The following PA2G4 variants were observed in gnomAD, a reference collection of about 807,000 sequenced individuals.
PA2G4 encodes the protein proliferation-associated protein 2G4.
A neutral mutation model predicts 53.3 loss-of-function variants in PA2G4; 8 were observed. The ratio of observed to expected loss-of-function variants is 0.15; its 90% CI spans 0.09 to 0.27. The LOEUF (loss-of-function observed/expected upper bound fraction) is 0.27. Among genes scored for constraint, PA2G4 ranks in the 10% least tolerant of loss-of-function variants. The probability of loss-of-function intolerance (pLI) is 1.00; values close to 1 mark genes in which losing one functional copy is unlikely to be tolerated. For missense variants in PA2G4, 208 were observed against 486.8 expected, an observed-to-expected ratio of 0.43 and a Z score of 5.39; for synonymous variants, 143 against 169.8, an observed-to-expected ratio of 0.84 and a Z score of 1.23.
At chr12:56,108,516 A>G (rs1869347332) in intron 5 of PA2G4, among the ~76,000 whole-genome samples, 1 of 152,300 alleles carries the variant, frequency 6.6e-6, no homozygotes, top group African/African-American at 2.4e-5. Context: ...TCCATATAGT[A>G]TTTAGTAAAT....
rs144599997 is a variant in PA2G4, at chr12:56,109,749, C to T, written c.551-108C>T. 5.5e-4 allele frequency: 412 copies of T among 754,284 alleles called. 4 individuals carry two copies. In the African/African-American group the frequency reaches 6.2e-3, roughly 11 times the overall value. The allele number at this position is 754,284 out of a possible 1,614,324, so 46.7% of individuals were successfully genotyped here. ...ATCTCAGAGCCCTGTGTTTCCATAA[C>T]CAGGTAGTTGTCTCACTGCCTACCA... On this transcript the variant is annotated intron_variant, in intron 6 of 12. Transcript: ENST00000303305.
At chr12:56,112,012 G>T (rs1197832098) in intron 12 of PA2G4, among the ~76,000 whole-genome samples, 10 of 152,090 alleles carry the variant, frequency 6.6e-5, no homozygotes. Flanking sequence ...TACTCGGGAG[G>T]CTAAGGCAGG....
At chr12:56,111,343 A>G (rs767136600) in intron 11 of PA2G4, 34 bp downstream of exon 11, 43 of 1,613,634 alleles carry the variant, frequency 2.7e-5, no homozygotes, top group Non-Finnish European at 3.4e-5. Flanking sequence ...GAGTATGTAC[A>G]TGGTATCCTG....
intron 12 of PA2G4, among the ~76,000 whole-genome samples, chr12:56,111,925 C>T (rs11504023): frequency 0.021 from 3,222 of 151,538 alleles, 63 homozygotes; most frequent in South Asian, 0.045. Context: ...TCAGCCTGAC[C>T]AACACAGAGA....
rs1869479142 is a variant in PA2G4, at chr12:56,113,652, C to A, written c.*764C>A. ...GCTGGAAGCTCAACTGGTTTTGTTC[C>A]CTGTTTGAAATATTGTGATCTCCCT... On this transcript the variant is annotated 3_prime_UTR_variant, in exon 13 of 13. Coordinates refer to ENST00000303305, the MANE Select transcript of PA2G4 (RefSeq NM_006191.3). 1 of 590,124 alleles carries A rather than the reference C, an allele frequency of 1.7e-6. No homozygotes were observed. Among genetic ancestry groups the A allele is most frequent in the African/African-American group, 1.9e-5 (1 of 53,796 alleles). The allele number at this position is 590,124 out of a possible 1,614,324, so 36.6% of individuals were successfully genotyped here.
chr12:56,104,975 G>A, intron 1 of PA2G4, 150 bp downstream of exon 1: 1 of 786,564 alleles, frequency 1.3e-6, no homozygotes, highest in Non-Finnish European at 2.2e-6. Context: ...GGAAGACCCG[G>A]TGTCGCGCCT....
At chr12:56,110,939 C>T in intron 9 of PA2G4, 25 bp from the exon 10 acceptor site, 1 of 1,601,556 alleles carries the variant, frequency 6.2e-7, no homozygotes. Context: ...TTAAAGATAC[C>T]TCTGAATATC....
chr12:56,109,414 GT>G (rs2136841009), intron 6 of PA2G4, 121 bp downstream of exon 6: 4 of 663,668 alleles, frequency 6.0e-6, no homozygotes, highest in Admixed American at 2.1e-5. Context: ...GAGGTCAGGA[GT>G]TTGAGACTAG....
Position 56,111,470 on chromosome 12 carries a change from T to C in PA2G4, c.1066-6T>C, listed in dbSNP as rs370832705. 4 of 1,613,540 alleles carry C rather than the reference T, an allele frequency of 2.5e-6. No individual in the cohort carries two copies. In the African/African-American group the frequency reaches 5.3e-5, roughly 22 times the overall value. ...AAAATTTTTTTCCCTTCTTCCTGTT[T>C]TCCAGGCCCTCCTCCAGAGTTCTGC... On this transcript the variant is annotated splice_region_variant and splice_polypyrimidine_tract_variant and intron_variant, in intron 11 of 12. Transcript: ENST00000303305.
intron 1 of PA2G4, 76 bp downstream of exon 1, chr12:56,104,901 CGGAGG>C: frequency 7.7e-7 from 1 of 1,303,840 alleles, no homozygotes; most frequent in South Asian, 1.2e-5. Context: ...GGGGCTGGAG[CGGAGG>C]GGTCATGCGG....
intron 7 of PA2G4, 33 bp from the exon 8 acceptor site, chr12:56,110,366 A>G (rs757989447): frequency 7.0e-7 from 1 of 1,427,280 alleles, no homozygotes; most frequent in South Asian, 1.2e-5. Context: ...TGTCAAAAAA[A>G]AAAAAAAATT....
chr12:56,111,355 T>C, intron 11 of PA2G4, 46 bp downstream of exon 11: 1 of 1,612,664 alleles, frequency 6.2e-7, no homozygotes, highest in East Asian at 2.2e-5. Flanking sequence ...GGTATCCTGC[T>C]TGGGAGTGAG....
In PA2G4 at chr12:56,113,643, G is replaced by A. The variant is rs1282764004; in HGVS notation, c.*755G>A. 1.4e-5 allele frequency: 8 copies of A among 589,874 alleles called. No individual in the cohort carries two copies. In the Admixed American group the frequency reaches 2.6e-4, roughly 19 times the overall value. The allele number at this position is 589,874 out of a possible 1,614,324, so 36.5% of individuals were successfully genotyped here. On this transcript the variant is annotated 3_prime_UTR_variant, in exon 13 of 13. Transcript: ENST00000303305. ...CAGACCTGAGCTGGAAGCTCAACTG[G>A]TTTTGTTCCCTGTTTGAAATATTGT...
In PA2G4 at chr12:56,104,615, C is replaced by G; in HGVS notation, c.-123C>G. 1 of 974,332 alleles carries G rather than the reference C, an allele frequency of 1.0e-6. No homozygotes were observed. Among genetic ancestry groups the G allele is most frequent in the Non-Finnish European group, 1.7e-6 (1 of 596,292 alleles). The allele number at this position is 974,332 out of a possible 1,614,324, so 60.4% of individuals were successfully genotyped here. A position where few individuals can be genotyped will look rare whatever the true frequency, so the allele number is the denominator to read the frequency against. On this transcript the variant is annotated 5_prime_UTR_variant, in exon 1 of 13. Coordinates refer to ENST00000303305, the MANE Select transcript of PA2G4 (RefSeq NM_006191.3). ...CTGCCTGCCCGCTCCCTTGCTTGCT[C>G]GCGCTTTCGCTCGCCCTCTCCTCGA...
chr12:56,106,400 G>A, intron 1 of PA2G4, 188 bp from the exon 2 acceptor site: 1 of 502,706 alleles, frequency 2.0e-6, no homozygotes, highest in Non-Finnish European at 3.2e-6. Context: ...CTTGCCTAGG[G>A]AGATGGATTG....
chr12:56,106,359 C>A, intron 1 of PA2G4: 1 of 376,716 alleles, frequency 2.7e-6, no homozygotes, highest in Non-Finnish European at 4.7e-6. Context: ...TCCTGTCACA[C>A]CAAAGGTAGC....
intron 12 of PA2G4, 148 bp downstream of exon 12, chr12:56,111,677 T>A: frequency 1.6e-6 from 1 of 629,498 alleles, no homozygotes; most frequent in East Asian, 2.7e-5. Flanking sequence ...CCATCATAAA[T>A]TGAAAATACT....
At chr12:56,107,380 A>G in intron 4 of PA2G4, 124 bp downstream of exon 4, 1 of 1,054,242 alleles carries the variant, frequency 9.5e-7, no homozygotes, top group Admixed American at 1.8e-5. Context: ...GCAAAAGGAG[A>G]AAGGTTTTTG....
rs1001059341 is a variant in PA2G4 at position 56,113,864 on chromosome 12, T to C, written c.*976T>C. The C allele has an allele frequency of 1.7e-5, 12 of 702,166 alleles. No individual in the cohort carries two copies. Among genetic ancestry groups the C allele is most frequent in the East Asian group, 5.4e-5 (2 of 37,296 alleles). 43.5% of individuals were successfully genotyped at this position (702,166 alleles called of 1,614,324 possible). A position where few individuals can be genotyped will look rare whatever the true frequency, so the allele number is the denominator to read the frequency against. ...CTAACTTATGAGGTTTTTAAACACA[T>C]TGAAAATGACATGACATTAAAATAA... On this transcript the variant is annotated 3_prime_UTR_variant, in exon 13 of 13. Transcript: ENST00000303305.
Sources: allele counts gnomAD v4.1 joint callset (sites outside exome capture counted in the v4.1 genomes callset), GRCh38; gene constraint gnomAD v4.1.1; transcripts MANE v1.5; gene names NCBI Gene and HGNC (gene_info 2026-07-23, HGNC 2026-07-21).